Variants in LPIN2 observed in about 807,000 individuals in gnomAD.
LPIN2 encodes lipin 2.
Under a neutral mutation model 111.4 loss-of-function variants are expected in LPIN2, and 55 were observed. The observed-to-expected ratio is 0.49, with a 90% CI of 0.40 to 0.62. The LOEUF (loss-of-function observed/expected upper bound fraction) is 0.62. Ranked by LOEUF, LPIN2 falls within the 20% of genes least tolerant of loss-of-function variation. The pLI, the probability that LPIN2 is intolerant of heterozygous loss-of-function variation, is 0.00. For missense variants in LPIN2, 992 were observed against 1,112.1 expected, an observed-to-expected ratio of 0.89 and a Z score of 1.54; for synonymous variants, 425 against 414.0, an observed-to-expected ratio of 1.03 and a Z score of -0.32.
At chr18:2,991,188 A>G (rs548010135) in intron 1 of LPIN2, 16 of 222,028 alleles carry the variant, frequency 7.2e-5, no homozygotes, top group African/African-American at 2.9e-4. Context: ...TCTGATACAG[A>G]AAAGGTGCTC....
At chr18:2,987,728 T>TA (rs2078206816) in intron 1 of LPIN2, among the ~76,000 whole-genome samples, 1 of 152,172 alleles carries the variant, frequency 6.6e-6, no homozygotes, top group Non-Finnish European at 1.5e-5. Flanking sequence ...TTACTCTTAG[T>TA]AATTACTCTT....
At chr18:2,982,040 T>C (rs948361516) in intron 1 of LPIN2, among the ~76,000 whole-genome samples, 1 of 152,210 alleles carries the variant, frequency 6.6e-6, no homozygotes, top group Admixed American at 6.5e-5. Flanking sequence ...TTAATGCAGA[T>C]TTCTGGGACT....
intron 1 of LPIN2, among the ~76,000 whole-genome samples, chr18:2,987,890 T>C (rs2078209179): frequency 6.6e-6 from 1 of 151,598 alleles, no homozygotes; most frequent in South Asian, 2.1e-4. Flanking sequence ...AATACAAGAA[T>C]TAGCTGAGTG....
rs1027272483 is a variant in LPIN2 at position 2,996,443 on chromosome 18, C to T, written c.-10+16644G>A. 4.0e-5 allele frequency among the ~76,000 whole-genome samples: 6 copies of T among 149,794 alleles called. No homozygotes were observed. The East Asian group carries it at 1.2e-3, about 29-fold the overall frequency. On this transcript the variant is annotated intron_variant, in intron 1 of 19. Coordinates refer to ENST00000677752, the MANE Select transcript of LPIN2 (RefSeq NM_001375808.2). ...TGACGTTGCAGAAAAGATATGACTACATGCTTACCTCCCAGGAAAATATCT... is the reference window on the plus strand; with the variant it reads ...TGACGTTGCAGAAAAGATATGACTATATGCTTACCTCCCAGGAAAATATCT...
intron 16 of LPIN2, 121 bp downstream of exon 16, chr18:2,923,654 G>A (rs1598521540): frequency 2.3e-6 from 2 of 873,204 alleles, no homozygotes; most frequent in East Asian, 2.4e-5. Context: ...GTGAGGAAGA[G>A]CGGGAATGCT....
At chr18:2,996,911 G>A (rs2078353684) in intron 1 of LPIN2, among the ~76,000 whole-genome samples, 1 of 152,110 alleles carries the variant, frequency 6.6e-6, no homozygotes, top group African/African-American at 2.4e-5. Flanking sequence ...ATTTGCTAAT[G>A]GTAAACTTCT....
At chr18:2,963,715 T>C (rs141586127) in intron 1 of LPIN2, among the ~76,000 whole-genome samples, 7 of 151,820 alleles carry the variant, frequency 4.6e-5, no homozygotes, top group Admixed American at 4.6e-4. Context: ...AATGTGGAAA[T>C]GAAAAATGGT....
chr18:2,985,471 T>C (rs1368774912), intron 1 of LPIN2: 8 of 149,664 alleles, frequency 5.3e-5, no homozygotes, highest in Non-Finnish European at 1.2e-4. Context: ...TGCATAGAAT[T>C]TGGAAGTCTT....
intron 1 of LPIN2, among the ~76,000 whole-genome samples, chr18:2,963,381 A>T (rs1292765193): frequency 1.3e-5 from 2 of 150,324 alleles, no homozygotes; most frequent in African/African-American, 2.5e-5. Flanking sequence ...ATAGCTACAC[A>T]ATAAGAACCA....
intron 3 of LPIN2, among the ~76,000 whole-genome samples, chr18:2,954,216 G>A (rs1344563246): frequency 6.6e-6 from 1 of 152,190 alleles, no homozygotes; most frequent in Non-Finnish European, 1.5e-5. Context: ...GCAACACTAA[G>A]TAAGAAAGCT....
At chr18:2,969,854 CT>C in intron 1 of LPIN2, among the ~76,000 whole-genome samples, 1 of 152,268 alleles carries the variant, frequency 6.6e-6, no homozygotes, top group Admixed American at 6.5e-5. Flanking sequence ...CCTCTTAAGC[CT>C]GATTAAGTTT....
chr18:2,986,100 A>G (rs933299486), intron 1 of LPIN2, among the ~76,000 whole-genome samples: 2 of 152,238 alleles, frequency 1.3e-5, no homozygotes, highest in Non-Finnish European at 2.9e-5. Flanking sequence ...ACACCAAAGC[A>G]TATGAAGTGT....
At chr18:2,920,920 A>C (rs777807489) in intron 18 of LPIN2, 39 bp from the exon 19 acceptor site, 19 of 1,315,544 alleles carry the variant, frequency 1.4e-5, no homozygotes, top group Non-Finnish European at 2.1e-5. Flanking sequence ...TCCAGGGAGG[A>C]GAATTCAGGA....
At chr18:3,000,289 G>A (rs1290313564) in intron 1 of LPIN2, among the ~76,000 whole-genome samples, 1 of 151,958 alleles carries the variant, frequency 6.6e-6, no homozygotes, top group Non-Finnish European at 1.5e-5. Context: ...AGAAACAGGA[G>A]AGGAAAAAAA....
At chr18:2,937,578 C>T (rs1035158511) in intron 7 of LPIN2, 114 bp downstream of exon 7, 6 of 616,146 alleles carry the variant, frequency 9.7e-6, no homozygotes, top group Admixed American at 6.4e-5. Context: ...AAAAGTGCGA[C>T]GGGTTTCGAC....
In LPIN2 at chr18:2,919,723, G is replaced by A. The variant is rs894164567; in HGVS notation, c.*570C>T. The A allele has an allele frequency of 5.8e-6, 1 of 172,748 alleles. No homozygotes were observed. Among genetic ancestry groups the A allele is most frequent in the African/African-American group, 2.4e-5 (1 of 41,850 alleles). The allele number at this position is 172,748 out of a possible 1,614,324, so 10.7% of individuals were successfully genotyped here. On this transcript the variant is annotated 3_prime_UTR_variant, in exon 20 of 20. Coordinates refer to ENST00000677752, the MANE Select transcript of LPIN2 (RefSeq NM_001375808.2). ...CTGGGCTCAGTGGCTCTGGTGCATGGGCCCTGCAGGGGCGGGGGTCCTGCC... is the reference window on the plus strand; with the variant it reads ...CTGGGCTCAGTGGCTCTGGTGCATGAGCCCTGCAGGGGCGGGGGTCCTGCC...
intron 1 of LPIN2, among the ~76,000 whole-genome samples, chr18:2,962,100 A>C (rs1169783189): frequency 6.6e-6 from 1 of 152,240 alleles, no homozygotes; most frequent in Non-Finnish European, 1.5e-5. Context: ...CTGCCTGCAC[A>C]GAAATTCACT....
intron 1 of LPIN2, among the ~76,000 whole-genome samples, chr18:2,984,479 C>A (rs1316463714): frequency 1.3e-5 from 2 of 151,838 alleles, no homozygotes; most frequent in Non-Finnish European, 2.9e-5. Flanking sequence ...TGATAAAAAC[C>A]GGATATTGGG....
chr18:2,930,682 T>C (rs2077200878), intron 9 of LPIN2, among the ~76,000 whole-genome samples: 1 of 152,238 alleles, frequency 6.6e-6, no homozygotes, highest in Non-Finnish European at 1.5e-5. Context: ...TGAGGACGGA[T>C]GCACATGGCA....
Sources: allele counts gnomAD v4.1 joint callset (sites outside exome capture counted in the v4.1 genomes callset), GRCh38; gene constraint gnomAD v4.1.1; transcripts MANE v1.5; gene names NCBI Gene and HGNC (gene_info 2026-07-23, HGNC 2026-07-21).